SOCS6: variants seen among roughly 807,000 people sequenced by gnomAD.
The protein encoded by SOCS6 is STAT induced STAT inhibitor-4.
Under a neutral mutation model 27.7 loss-of-function variants are expected in SOCS6, and 5 were observed. The observed-to-expected ratio is 0.18, with a 90% confidence interval of 0.09 to 0.38. The LOEUF is 0.38. SOCS6 is among the 10% of genes least tolerant of loss of function. The pLI is 1.00. For synonymous variants in SOCS6, 271 were observed against 260.0 expected, an observed-to-expected ratio of 1.04 and a Z score of -0.41; for missense variants, 595 against 688.1, an observed-to-expected ratio of 0.86 and a Z score of 1.51.
At chr18:70,294,282 T>C (rs2062313669) in intron 1 of SOCS6, among the ~76,000 whole-genome samples, 1 of 152,106 alleles carries the variant, frequency 6.6e-6, no homozygotes. Context: ...ATTAATTCTT[T>C]TCTGTGTCCC....
chr18:70,310,823 A>G (rs943116710), intron 1 of SOCS6, among the ~76,000 whole-genome samples: 7 of 152,200 alleles, frequency 4.6e-5, no homozygotes, highest in Non-Finnish European at 8.8e-5. Flanking sequence ...TTCAAGTAAC[A>G]TGGCAGTTTC....
At chr18:70,313,711 T>C (rs953945419) in intron 1 of SOCS6, among the ~76,000 whole-genome samples, 28 of 152,198 alleles carry the variant, frequency 1.8e-4, no homozygotes, top group African/African-American at 6.8e-4. Flanking sequence ...TTCTTGACTT[T>C]CTATTCTGTC....
chr18:70,289,979 G>C (rs946821477), intron 1 of SOCS6, among the ~76,000 whole-genome samples: 2 of 152,202 alleles, frequency 1.3e-5, no homozygotes, highest in African/African-American at 4.8e-5. Flanking sequence ...CGTTCAGTTG[G>C]AATGTGAAAT....
At position 70,329,740 on chromosome 18, in the gene SOCS6, T is replaced by A. The variant is rs1340450486; in HGVS notation, c.*3464T>A. 1 of 167,062 alleles carries A rather than the reference T, an allele frequency of 6.0e-6. No homozygotes were observed. Among genetic ancestry groups the A allele is most frequent in the Non-Finnish European group, 1.5e-5 (1 of 68,090 alleles). The allele number at this position is 167,062 out of a possible 1,614,324, so 10.3% of individuals were successfully genotyped here. ...GTGTTGGTACACTAGCAATCACAAA[T>A]ATGGTTTCTTTTAATACTTTTTTAA... On this transcript the variant is annotated 3_prime_UTR_variant, in exon 2 of 2. Transcript: ENST00000397942.
intron 1 of SOCS6, among the ~76,000 whole-genome samples, chr18:70,314,406 TGTG>T (rs2062403203): frequency 6.6e-6 from 1 of 152,202 alleles, no homozygotes; most frequent in Non-Finnish European, 1.5e-5. Flanking sequence ...GAGTGTGTAA[TGTG>T]GTCCTATAGG....
intron 1 of SOCS6, among the ~76,000 whole-genome samples, chr18:70,308,679 A>G (rs1199985006): frequency 1.3e-5 from 2 of 152,070 alleles, no homozygotes; most frequent in African/African-American, 4.8e-5. Flanking sequence ...TTCAGGTATT[A>G]TTGTTGAATT....
Position 70,324,816 on chromosome 18 carries a change from G to C in SOCS6, c.148G>C (p.Asp50His). 8 of 1,614,182 alleles carry C rather than the reference G, an allele frequency of 5.0e-6. No individual in the cohort carries two copies. The highest frequency in any genetic ancestry group is 6.8e-6 in the Non-Finnish European group (8 of 1,180,040). Residue 50 changes from aspartate to histidine, a missense_variant, in exon 2 of 2, where the codon GAT becomes CAT. Around this residue, in one of 2 missense-constraint regions of SOCS6, gnomAD observed 467 missense variants for 481.1 expected, o/e 0.97. Coordinates refer to ENST00000397942, the MANE Select transcript of SOCS6 (RefSeq NM_004232.4). Reference protein sequence around the residue: ...DSLFGSCYGKDMASCDINGED... With the variant: ...DSLFGSCYGKHMASCDINGED... ...CTTATTTGGTAGCTGCTATGGTAAA[G>C]ATATGGCCAGCTGCGATATCAACGG...
rs528033902 is a variant in SOCS6, at chr18:70,323,124, T to C, written c.-126-1419T>C. 4.6e-5 allele frequency among the ~76,000 whole-genome samples: 7 copies of C among 152,288 alleles called. No individual in the cohort carries two copies. The East Asian group carries it at 1.3e-3, about 29-fold the overall frequency. On this transcript the variant is annotated intron_variant, in intron 1 of 1. Transcript: ENST00000397942. ...AATGGGATCAAAGCTAGAGCCATAG[T>C]CTTGTGCCAAGAAACTGAGTGGCGC...
Position 70,326,346 on chromosome 18 carries a change from T to C in SOCS6, c.*70T>C. 7.8e-7 allele frequency: 1 copy of C among 1,290,036 alleles called. No individual in the cohort carries two copies. The highest frequency in any genetic ancestry group is 1.1e-6 in the Non-Finnish European group (1 of 927,930). The allele number at this position is 1,290,036 out of a possible 1,614,324, so 79.9% of individuals were successfully genotyped here. A position where few individuals can be genotyped will look rare whatever the true frequency, so the allele number is the denominator to read the frequency against. On this transcript the variant is annotated 3_prime_UTR_variant, in exon 2 of 2. Transcript: ENST00000397942. ...AGATTGAAATACAGTTTACAAACTT[T>C]CATTGCCATCAAAATCTTTTGCTGC...
At chr18:70,296,203 C>A (rs967709332) in intron 1 of SOCS6, among the ~76,000 whole-genome samples, 3 of 151,784 alleles carry the variant, frequency 2.0e-5, no homozygotes, top group African/African-American at 4.8e-5. Context: ...TTTTTTGAGC[C>A]TTGTGTGTCA....
intron 1 of SOCS6, among the ~76,000 whole-genome samples, chr18:70,313,124 T>C (rs2146282904): frequency 6.6e-6 from 1 of 152,330 alleles, no homozygotes; most frequent in Admixed American, 6.5e-5. Flanking sequence ...TTTTAGGTTA[T>C]TGATTGGCCG....
At chr18:70,316,542 AT>A (rs1023453206) in intron 1 of SOCS6, among the ~76,000 whole-genome samples, 4 of 151,956 alleles carry the variant, frequency 2.6e-5, no homozygotes, top group African/African-American at 9.7e-5. Flanking sequence ...TTTTTGGCAG[AT>A]TTTTTTCTTC....
At position 70,292,470 on chromosome 18, in the gene SOCS6, G is replaced by T. The variant is rs41422049; in HGVS notation, c.-127+3380G>T. Among the ~76,000 whole-genome samples, 735 of 152,184 alleles carry T rather than the reference G, an allele frequency of 4.8e-3. 7 individuals carry two copies. Among genetic ancestry groups the T allele is most frequent in the African/African-American group, 0.017 (701 of 41,518 alleles). On this transcript the variant is annotated intron_variant, in intron 1 of 1. Transcript: ENST00000397942. ...ATCTTCTTGCCTCAGCACCCCCTCC[G>T]CCAGTTGTTGGGACCACAAGTGCAT...
intron 1 of SOCS6, among the ~76,000 whole-genome samples, chr18:70,291,979 A>G (rs992583360): frequency 1.3e-5 from 2 of 152,208 alleles, no homozygotes; most frequent in African/African-American, 2.4e-5. Context: ...TGGGTAATTT[A>G]TTATGCTGTT....
intron 1 of SOCS6, among the ~76,000 whole-genome samples, chr18:70,305,580 CAATT>C (rs1210483787): frequency 3.9e-5 from 6 of 152,066 alleles, no homozygotes; most frequent in South Asian, 2.1e-4. Context: ...AATATTGTAT[CAATT>C]AATATAAAAA....
rs530564611 is a variant in SOCS6, at chr18:70,289,588, GCGGGCTCGGGCT to G, written c.-127+509_-127+520del. ...CGGCCGGGTCCCTCCTCGGACCTCC[GCGGGCTCGGGCT>G]CGGGCTCGGGGTCGGGGCGCGGCGA... On this transcript the variant is annotated intron_variant, in intron 1 of 1. Transcript: ENST00000397942. Among the ~76,000 whole-genome samples the G allele has an allele frequency of 3.4e-5, 5 of 147,290 alleles. No homozygotes were observed. The East Asian group carries it at 5.9e-4, about 17-fold the overall frequency.
chr18:70,302,388 G>A (rs774668509), intron 1 of SOCS6, among the ~76,000 whole-genome samples: 5 of 152,118 alleles, frequency 3.3e-5, no homozygotes, highest in South Asian at 2.1e-4. Context: ...ATGGTAGGCC[G>A]GGAAGGAGAA....
At chr18:70,319,647 G>A (rs920680942) in intron 1 of SOCS6, among the ~76,000 whole-genome samples, 10 of 149,658 alleles carry the variant, frequency 6.7e-5, no homozygotes, top group African/African-American at 2.2e-4. Context: ...TTATACTTAC[G>A]GATGCCATTG....
chr18:70,294,471 TAATG>T (rs1213380968), intron 1 of SOCS6, among the ~76,000 whole-genome samples: 7 of 152,276 alleles, frequency 4.6e-5, no homozygotes, highest in Admixed American at 1.3e-4. Context: ...TAATATATAA[TAATG>T]GTAATAATTC....
Sources: allele counts gnomAD v4.1 joint callset (sites outside exome capture counted in the v4.1 genomes callset), GRCh38; gene constraint gnomAD v4.1.1; regional missense constraint gnomAD v4.1.1; transcripts MANE v1.5; gene names NCBI Gene and HGNC (gene_info 2026-07-23, HGNC 2026-07-21).